GPC6: variants seen among roughly 807,000 people sequenced by gnomAD.
The protein encoded by GPC6 is glypican-6.
In GPC6, 14 loss-of-function variants were observed where a neutral mutation model predicts 55.2. The ratio of observed to expected loss-of-function variants is 0.25; its 90% CI spans 0.17 to 0.40. The LOEUF (loss-of-function observed/expected upper bound fraction) is 0.40. GPC6 is among the 10% of genes least tolerant of loss of function. GPC6 has a pLI of 1.00. For missense variants in GPC6, 641 were observed against 708.5 expected, an observed-to-expected ratio of 0.90 and a Z score of 1.08; for synonymous variants, 278 against 259.6, an observed-to-expected ratio of 1.07 and a Z score of -0.68.
intron 3 of GPC6, among the ~76,000 whole-genome samples, chr13:93,915,313 A>G (rs7337120): frequency 0.91 from 138,229 of 152,246 alleles, 62,820 homozygotes; most frequent in South Asian, 0.93. Flanking sequence ...AGCATAAATG[A>G]TGCTGTAAAT....
chr13:93,547,833 G>T (rs927211877), intron 2 of GPC6, among the ~76,000 whole-genome samples: 1 of 151,982 alleles, frequency 6.6e-6, no homozygotes, highest in Non-Finnish European at 1.5e-5. Flanking sequence ...AAAAGTCACT[G>T]TCACAATTTC....
At chr13:94,024,670 A>T (rs1882825810) in intron 3 of GPC6, among the ~76,000 whole-genome samples, 1 of 152,150 alleles carries the variant, frequency 6.6e-6, no homozygotes, top group African/African-American at 2.4e-5. Flanking sequence ...AAGGCTGTTC[A>T]ATTTTCTCTG....
rs111682056 is a variant in GPC6, at chr13:93,702,987, T to C, written c.320-127167T>C. Among the ~76,000 whole-genome samples the C allele has an allele frequency of 9.0e-3, 1,376 of 152,076 alleles. 36 individuals carry two copies. The highest frequency in any genetic ancestry group is 0.031 in the African/African-American group (1,304 of 41,512). ...TCTTTATTGGAGTAGCACTTTTCAT[T>C]TTTTTCAAGAACTTTTCCTTCACAT... On this transcript the variant is annotated intron_variant, in intron 2 of 8. Coordinates refer to ENST00000377047, the MANE Select transcript of GPC6 (RefSeq NM_005708.5).
intron 1 of GPC6, among the ~76,000 whole-genome samples, chr13:93,378,626 T>C (rs1230346301): frequency 6.6e-6 from 1 of 152,174 alleles, no homozygotes; most frequent in African/African-American, 2.4e-5. Context: ...GAATAAACAT[T>C]TGGTAATGAC....
chr13:94,056,351 C>A (rs897336968), intron 4 of GPC6, among the ~76,000 whole-genome samples: 1 of 152,046 alleles, frequency 6.6e-6, no homozygotes, highest in African/African-American at 2.4e-5. Flanking sequence ...TGAATGAGTA[C>A]CCAGTCCTAT....
intron 1 of GPC6, among the ~76,000 whole-genome samples, chr13:93,267,364 C>A (rs924405063): frequency 6.6e-6 from 1 of 151,292 alleles, no homozygotes; most frequent in Non-Finnish European, 1.5e-5. Context: ...TCTCTTGGAT[C>A]ACTCATTCAT....
chr13:93,586,544 G>A (rs544950301), intron 2 of GPC6, among the ~76,000 whole-genome samples: 1 of 152,262 alleles, frequency 6.6e-6, no homozygotes, highest in South Asian at 2.1e-4. Context: ...ATGGTGCTGG[G>A]ATAACTGGCT....
intron 1 of GPC6, among the ~76,000 whole-genome samples, chr13:93,259,905 G>A (rs1423563055): frequency 6.6e-6 from 1 of 152,008 alleles, no homozygotes; most frequent in African/African-American, 2.4e-5. Flanking sequence ...CATTATTCAT[G>A]TTGTATAACC....
chr13:94,371,989 T>G (rs1379010661), intron 6 of GPC6, among the ~76,000 whole-genome samples: 1 of 152,186 alleles, frequency 6.6e-6, no homozygotes, highest in Non-Finnish European at 1.5e-5. Flanking sequence ...AAGTTCTTAC[T>G]TACAGCTGGG....
intron 3 of GPC6, among the ~76,000 whole-genome samples, chr13:93,852,160 A>G (rs1468405622): frequency 2.6e-5 from 4 of 151,780 alleles, no homozygotes; most frequent in Non-Finnish European, 5.9e-5. Context: ...TCTGAGGAAT[A>G]GGCTCTCTTT....
At chr13:93,220,832 T>G in the GPC6 span, among the ~76,000 whole-genome samples, 1 of 152,236 alleles carries the variant, frequency 6.6e-6, no homozygotes, top group East Asian at 1.9e-4. Flanking sequence ...TTAGAATCAA[T>G]GAAGAGTAGA....
Position 94,027,740 on chromosome 13 carries a change from C to A in GPC6, c.723C>A (p.Thr241=). Residue 241 remains threonine (T), a synonymous_variant, in exon 4 of 9, where the codon ACC becomes ACA. Coordinates refer to ENST00000377047, the MANE Select transcript of GPC6 (RefSeq NM_005708.5). The part of the protein sequence containing the change: ...VANRVSKVSP[T]PGCIRALMKM... ...CAATAAATCTGCAGGTCAGCCCAAC[C>A]CCAGGGTGTATCCGTGCCCTCATGA... 4 of 1,613,850 alleles carry A rather than the reference C, an allele frequency of 2.5e-6. No homozygotes were observed. Among genetic ancestry groups the A allele is most frequent in the Non-Finnish European group, 3.4e-6 (4 of 1,179,926 alleles).
intron 1 of GPC6, among the ~76,000 whole-genome samples, chr13:93,253,321 G>T (rs867991116): frequency 2.2e-4 from 33 of 152,168 alleles, no homozygotes; most frequent in African/African-American, 7.0e-4. Context: ...ATAATAAATT[G>T]TGCTTCTGGA....
At chr13:94,234,561 AC>A (rs1208940128) in intron 4 of GPC6, among the ~76,000 whole-genome samples, 2 of 151,902 alleles carry the variant, frequency 1.3e-5, no homozygotes, top group Non-Finnish European at 2.9e-5. Flanking sequence ...ACTTAAAAAA[AC>A]AAGTTAATAT....
At chr13:93,645,233 A>G (rs1028148524) in intron 2 of GPC6, among the ~76,000 whole-genome samples, 1 of 145,944 alleles carries the variant, frequency 6.9e-6, no homozygotes, top group African/African-American at 2.5e-5. Flanking sequence ...AGTAAAATGC[A>G]ATGAGAGCCT....
At chr13:93,776,027 C>T (rs1318647251) in intron 2 of GPC6, among the ~76,000 whole-genome samples, 3 of 81,894 alleles carry the variant, frequency 3.7e-5, no homozygotes, top group African/African-American at 1.4e-4. Flanking sequence ...ACTTTTAAAG[C>T]CTTTTTTTTC....
At chr13:93,835,321 G>A (rs1021477204) in intron 3 of GPC6, among the ~76,000 whole-genome samples, 5 of 152,114 alleles carry the variant, frequency 3.3e-5, no homozygotes, top group African/African-American at 1.2e-4. Flanking sequence ...CAGTCATGGT[G>A]GCATGCACCT....
intron 2 of GPC6, among the ~76,000 whole-genome samples, chr13:93,639,052 T>C (rs1366344394): frequency 6.6e-6 from 1 of 152,066 alleles, no homozygotes; most frequent in Non-Finnish European, 1.5e-5. Flanking sequence ...GCTGTTATGG[T>C]ACTACATTGT....
chr13:94,290,373 A>C (rs1874889515), intron 5 of GPC6, among the ~76,000 whole-genome samples: 1 of 147,208 alleles, frequency 6.8e-6, no homozygotes, highest in African/African-American at 2.5e-5. Context: ...GTGAGCTATG[A>C]TTATGCCATT....
Sources: gnomAD v4.1 joint callset for allele counts (sites outside exome capture counted in the v4.1 genomes callset) on GRCh38, gnomAD v4.1.1 for gene constraint, MANE v1.5 for transcripts, NCBI Gene and HGNC (gene_info 2026-07-23, HGNC 2026-07-21) for gene names.